The following TM9SF4 variants were observed in gnomAD, a reference collection of about 807,000 sequenced individuals.
TM9SF4 encodes dinucleotide oxidase disulfide thiol exchanger 3 superfamily member 4.
A neutral mutation model predicts 90.4 loss-of-function variants in TM9SF4; 26 were observed. The ratio of observed to expected loss-of-function variants is 0.29; its 90% CI spans 0.21 to 0.40. The LOEUF is 0.40. Ranked by LOEUF, TM9SF4 falls within the 10% of genes least tolerant of loss-of-function variation. The pLI, the probability that TM9SF4 is intolerant of heterozygous loss-of-function variation, is 1.00. For missense variants in TM9SF4, 549 were observed against 834.8 expected (o/e 0.66, Z 4.22); for synonymous variants, 293 against 315.4 (o/e 0.93, Z 0.75).
At chr20:32,123,233 G>C (rs547543975) in intron 1 of TM9SF4, among the ~76,000 whole-genome samples, 8 of 89,400 alleles carry the variant, frequency 8.9e-5, no homozygotes, top group Non-Finnish European at 1.6e-4. Context: ...GAGAGGGAGA[G>C]GGAGAGGCTT....
chr20:32,161,589 C>A (rs975667228), intron 17 of TM9SF4, among the ~76,000 whole-genome samples: 2 of 152,150 alleles, frequency 1.3e-5, no homozygotes, highest in Non-Finnish European at 2.9e-5. Flanking sequence ...GGATACGTGA[C>A]AATGTGAATA....
At chr20:32,140,014 A>G (rs1266997269) in intron 3 of TM9SF4, among the ~76,000 whole-genome samples, 1 of 152,242 alleles carries the variant, frequency 6.6e-6, no homozygotes, top group African/African-American at 2.4e-5. Flanking sequence ...CTGCTAGGCC[A>G]TGCACTCTAT....
At chr20:32,126,765 C>G (rs376731899) in intron 1 of TM9SF4, among the ~76,000 whole-genome samples, 5 of 151,074 alleles carry the variant, frequency 3.3e-5, no homozygotes, top group African/African-American at 1.2e-4. Context: ...GACGAAGTCT[C>G]GCTCTTGTCC....
intron 1 of TM9SF4, among the ~76,000 whole-genome samples, chr20:32,119,014 G>A (rs2046268597): frequency 6.6e-6 from 1 of 152,142 alleles, no homozygotes; most frequent in Non-Finnish European, 1.5e-5. Context: ...TATGTTGTGT[G>A]CCTACCATAA....
chr20:32,134,928 C>A (rs1482889647), intron 2 of TM9SF4, among the ~76,000 whole-genome samples: 1 of 152,138 alleles, frequency 6.6e-6, no homozygotes, highest in Non-Finnish European at 1.5e-5. Flanking sequence ...CCGCCTCACC[C>A]TCCCAAAATG....
intron 12 of TM9SF4, among the ~76,000 whole-genome samples, chr20:32,151,424 C>T (rs921540234): frequency 2.1e-5 from 3 of 141,922 alleles, no homozygotes; most frequent in East Asian, 2.4e-4. Flanking sequence ...CAGGGATCCC[C>T]GAGCCCCTTC....
intron 12 of TM9SF4, among the ~76,000 whole-genome samples, chr20:32,152,369 C>T (rs1460423617): frequency 6.6e-6 from 1 of 150,986 alleles, no homozygotes; most frequent in Non-Finnish European, 1.5e-5. Context: ...CCCCTTGCAT[C>T]TAGTGAGCCC....
chr20:32,110,658 C>T (rs1161789173), intron 1 of TM9SF4, among the ~76,000 whole-genome samples: 1 of 152,184 alleles, frequency 6.6e-6, no homozygotes, highest in Admixed American at 6.5e-5. Flanking sequence ...AACATGGCCA[C>T]ACAGCTCGTT....
chr20:32,161,249 A>C, intron 16 of TM9SF4, 27 bp from the exon 17 acceptor site: 1 of 1,607,108 alleles, frequency 6.2e-7, no homozygotes, highest in South Asian at 1.1e-5. Flanking sequence ...CCAGGACAAC[A>C]CTGACCTTCC....
chr20:32,162,285 C>T (rs1445383846), intron 17 of TM9SF4, among the ~76,000 whole-genome samples: 1 of 152,170 alleles, frequency 6.6e-6, no homozygotes, highest in Admixed American at 6.5e-5. Context: ...AATGCCGTTT[C>T]CCAAAAACAG....
chr20:32,123,024 T>A (rs1269873429), intron 1 of TM9SF4, among the ~76,000 whole-genome samples: 1 of 150,014 alleles, frequency 6.7e-6, no homozygotes, highest in South Asian at 2.1e-4. Context: ...CGAAAACCAG[T>A]CAGGCGTGGC....
In TM9SF4 at chr20:32,122,178, C is replaced by T. The variant is rs1348220634; in HGVS notation, c.16-10835C>T. Among the ~76,000 whole-genome samples the T allele has an allele frequency of 3.6e-5, 5 of 140,774 alleles. No homozygotes were observed. The East Asian group carries it at 6.9e-4, about 19-fold the overall frequency. 92.4% of individuals were successfully genotyped at this position (140,774 alleles called of 152,430 possible). A position where few individuals can be genotyped will look rare whatever the true frequency, so the allele number is the denominator to read the frequency against. On this transcript the variant is annotated intron_variant, in intron 1 of 17. Transcript: ENST00000398022. Reference sequence around the variant, plus strand: ...GGGGGTGACCCCCCCACCTCCCTCCCGGACGGGGCGGCTGGCCGGGCCGGG... The same window carrying T: ...GGGGGTGACCCCCCCACCTCCCTCCTGGACGGGGCGGCTGGCCGGGCCGGG...
At position 32,161,063 on chromosome 20, in the gene TM9SF4, A is replaced by G. The variant is rs986923080; in HGVS notation, c.1690-213A>G. ...TGATTTTTTTTTTAATGAGGTATAA[A>G]CTGTAAAGTTCACCCTTCTTTGTCC... On this transcript the variant is annotated intron_variant, in intron 16 of 17. Coordinates refer to ENST00000398022, the MANE Select transcript of TM9SF4 (RefSeq NM_014742.4). The G allele has an allele frequency of 8.1e-6, 4 of 495,008 alleles. No individual in the cohort carries two copies. In the Admixed American group the frequency reaches 1.0e-4, roughly 13 times the overall value. 30.7% of individuals were successfully genotyped at this position (495,008 alleles called of 1,614,324 possible). A position where few individuals can be genotyped will look rare whatever the true frequency, so the allele number is the denominator to read the frequency against.
chr20:32,145,922 G>A (rs779846278), intron 8 of TM9SF4, among the ~76,000 whole-genome samples: 4 of 152,152 alleles, frequency 2.6e-5, no homozygotes, highest in Admixed American at 6.5e-5. Flanking sequence ...CTTTCTTTAC[G>A]ATAAGGAGCC....
intron 5 of TM9SF4, 108 bp downstream of exon 5, chr20:32,142,003 T>G (rs2046688549): frequency 1.9e-6 from 3 of 1,538,958 alleles, no homozygotes; most frequent in Non-Finnish European, 2.6e-6. Flanking sequence ...TTTCTCCAGG[T>G]GCCCTGGGCA....
chr20:32,161,399 T>A (rs756649029), intron 17 of TM9SF4, 34 bp downstream of exon 17: 5 of 1,597,316 alleles, frequency 3.1e-6, no homozygotes, highest in East Asian at 2.2e-5. Flanking sequence ...CTCTTAGTCC[T>A]CATAGGGTAG....
chr20:32,116,640 A>G lies in TM9SF4; in HGVS notation c.15+6885A>G, dbSNP rs73250826. The G allele has an allele frequency of 9.8e-3, 1,495 of 151,816 alleles. 20 individuals carry two copies. Among genetic ancestry groups the G allele is most frequent in the African/African-American group, 0.034 (1,419 of 41,198 alleles). The allele number at this position is 151,816 out of a possible 1,614,324, so 9.4% of individuals were successfully genotyped here. ...GCTACATTTTCAGTTTCCTGTGGCT[A>G]ATTTGTTTTTTGTTTGTTTGTTTGT... On this transcript the variant is annotated intron_variant, in intron 1 of 17. Coordinates refer to ENST00000398022, the MANE Select transcript of TM9SF4 (RefSeq NM_014742.4).
chr20:32,115,324 G>A (rs1172376033), intron 1 of TM9SF4, among the ~76,000 whole-genome samples: 3 of 152,182 alleles, frequency 2.0e-5, no homozygotes, highest in Admixed American at 6.5e-5. Flanking sequence ...AAAGAAGCAC[G>A]TCAGAGAATG....
intron 6 of TM9SF4, 85 bp from the exon 7 acceptor site, chr20:32,145,006 G>A: frequency 1.5e-6 from 2 of 1,306,876 alleles, no homozygotes; most frequent in Non-Finnish European, 1.1e-6. Flanking sequence ...TCCGCGACAG[G>A]CAGCCTTGAG....
Sources: allele counts gnomAD v4.1 joint callset (sites outside exome capture counted in the v4.1 genomes callset), GRCh38; gene constraint gnomAD v4.1.1; transcripts MANE v1.5; gene names NCBI Gene and HGNC (gene_info 2026-07-23, HGNC 2026-07-21).